Variants in TBXAS1 observed in about 807,000 individuals in gnomAD.
TBXAS1 encodes thromboxane A synthase 1.
TBXAS1 carries 48 observed loss-of-function variants against 60.7 expected under a neutral mutation model. The ratio of observed to expected loss-of-function variants is 0.79; its 90% CI spans 0.63 to 1.01. The LOEUF (loss-of-function observed/expected upper bound fraction) is 1.01, where lower values mean the gene tolerates loss of function less well. TBXAS1 is among the 50% of genes least tolerant of loss of function. The probability of loss-of-function intolerance (pLI) is 0.00; values close to 1 mark genes in which losing one functional copy is unlikely to be tolerated. For missense variants in TBXAS1, 685 were observed against 686.3 expected, an observed-to-expected ratio of 1.00 and a Z score of 0.02; for synonymous variants, 287 against 269.7, an observed-to-expected ratio of 1.06 and a Z score of -0.63.
In TBXAS1 at chr7:139,803,001, T is replaced by C. The variant is rs906465921; in HGVS notation, c.-80+15575T>C. 2.6e-5 allele frequency among the ~76,000 whole-genome samples: 4 copies of C among 152,318 alleles called. No individual in the cohort carries two copies. The South Asian group carries it at 8.3e-4, about 32-fold the overall frequency. ...TTACCCAGTCTCTGGTATTTCTTCA[T>C]AGCAGTATGAAAATGAACTAAACAG... On this transcript the variant is annotated intron_variant, in intron 4 of 16. Transcript: ENST00000336425.
At chr7:139,984,644 AAG>A (rs1812240472) in intron 9 of TBXAS1, among the ~76,000 whole-genome samples, 1 of 82,188 alleles carries the variant, frequency 1.2e-5, no homozygotes, top group Non-Finnish European at 2.4e-5. Context: ...GAGAGAGAGA[AAG>A]AAAGAAAGGG....
At chr7:139,785,073 T>A (rs1452781762) in intron 3 of TBXAS1, among the ~76,000 whole-genome samples, 1 of 152,080 alleles carries the variant, frequency 6.6e-6, no homozygotes, top group Non-Finnish European at 1.5e-5. Context: ...CATTTTGAAT[T>A]TACTCCCTAG....
At chr7:139,892,433 A>C (rs972634896) in intron 3 of TBXAS1, among the ~76,000 whole-genome samples, 11 of 152,140 alleles carry the variant, frequency 7.2e-5, no homozygotes, top group Non-Finnish European at 1.2e-4. Context: ...TGTACTAAAA[A>C]AATACAAAAA....
At chr7:139,995,053 G>A (rs1813197363) in intron 9 of TBXAS1, among the ~76,000 whole-genome samples, 1 of 152,146 alleles carries the variant, frequency 6.6e-6, no homozygotes, top group South Asian at 2.1e-4. Context: ...GCCCTCAGAT[G>A]AGACATTTTT....
At chr7:139,802,604 G>A (rs746833639) in intron 4 of TBXAS1, among the ~76,000 whole-genome samples, 8 of 152,180 alleles carry the variant, frequency 5.3e-5, no homozygotes, top group Non-Finnish European at 1.0e-4. Context: ...GGCCAACATG[G>A]TGAAGCCCCA....
At chr7:140,012,096 C>T (rs1404713679) in intron 10 of TBXAS1, among the ~76,000 whole-genome samples, 1 of 152,166 alleles carries the variant, frequency 6.6e-6, no homozygotes, top group Non-Finnish European at 1.5e-5. Context: ...GTACGGGATT[C>T]ATTAGGGAAA....
rs916284683 is a variant in TBXAS1 at position 139,916,103 on chromosome 7, T to C, written c.333+4782T>C. Among the ~76,000 whole-genome samples the C allele has an allele frequency of 6.6e-6, 1 of 152,222 alleles. No homozygotes were observed. Among genetic ancestry groups the C allele is most frequent in the Non-Finnish European group, 1.5e-5 (1 of 68,040 alleles). On this transcript the variant is annotated intron_variant, in intron 4 of 12. Transcript: ENST00000448866. This position sits in a 1 kb window ranked among gnomAD's most constrained non-coding sequence, Gnocchi z 4.2. ...TTAGATATTTTCAATGAGCTCTTCT[T>C]TGCTGTCAGGTACGGTACCTAATGA...
At chr7:139,935,860 T>G (rs73734163) in intron 4 of TBXAS1, among the ~76,000 whole-genome samples, 13,986 of 151,970 alleles carry the variant, frequency 0.092, 1,803 homozygotes, top group African/African-American at 0.29. Flanking sequence ...CAGGAAGCCT[T>G]CCTTGTTTGT....
chr7:139,854,488 G>A (rs1800446670), intron 1 of TBXAS1, among the ~76,000 whole-genome samples: 1 of 152,150 alleles, frequency 6.6e-6, no homozygotes, highest in African/African-American at 2.4e-5. Context: ...GCTTCTTCTG[G>A]CATTGGTGTG....
intron 1 of TBXAS1, among the ~76,000 whole-genome samples, chr7:139,854,218 C>T (rs1212578433): frequency 1.3e-5 from 2 of 152,002 alleles, no homozygotes; most frequent in Non-Finnish European, 1.5e-5. Context: ...TTTGTCTTGG[C>T]CCTAGAGAAA....
Position 139,975,977 on chromosome 7 carries a change from G to A in TBXAS1, c.1134+13744G>A, listed in dbSNP as rs1383037133. On this transcript the variant is annotated intron_variant, in intron 9 of 12. Transcript: ENST00000448866. This position sits in a 1 kb window ranked among gnomAD's most constrained non-coding sequence, Gnocchi z 4.4. ...CTTCGTGCCTTTCTCACTTCCATTT[G>A]TAAATGATCTTGTCTCCTTCCTTGT... Among the ~76,000 whole-genome samples the A allele has an allele frequency of 6.6e-6, 1 of 152,194 alleles. No homozygotes were observed. Among genetic ancestry groups the A allele is most frequent in the East Asian group, 1.9e-4 (1 of 5,190 alleles).
chr7:139,888,214 T>A (rs930627417), intron 3 of TBXAS1, among the ~76,000 whole-genome samples: 2 of 152,206 alleles, frequency 1.3e-5, no homozygotes, highest in Non-Finnish European at 2.9e-5. Context: ...TCCTCTTATC[T>A]CACTCCTTGC....
intron 9 of TBXAS1, among the ~76,000 whole-genome samples, chr7:139,991,375 A>G (rs1483129317): frequency 9.0e-6 from 1 of 111,604 alleles, no homozygotes; most frequent in Non-Finnish European, 1.8e-5. Flanking sequence ...CCCTGTCACC[A>G]CCAGTGTCCT....
intron 4 of TBXAS1, among the ~76,000 whole-genome samples, chr7:139,794,671 C>T (rs1413340282): frequency 1.6e-4 from 19 of 115,310 alleles, no homozygotes; most frequent in African/African-American, 5.9e-4. Context: ...CCCCTCCCCC[C>T]ACCCCACAAC....
chr7:139,924,145 T>G (rs1002203151), intron 4 of TBXAS1, among the ~76,000 whole-genome samples: 9 of 152,214 alleles, frequency 5.9e-5, no homozygotes, highest in African/African-American at 2.2e-4. Context: ...TTCCTTTCTT[T>G]GGGGTATATA....
rs1256723598 is a variant in TBXAS1, at chr7:139,916,666, T to G, written c.333+5345T>G. Among the ~76,000 whole-genome samples, 1 of 152,202 alleles carries G rather than the reference T, an allele frequency of 6.6e-6. No homozygotes were observed. Among genetic ancestry groups the G allele is most frequent in the African/African-American group, 2.4e-5 (1 of 41,458 alleles). On this transcript the variant is annotated intron_variant, in intron 4 of 12. Transcript: ENST00000448866. The surrounding 1 kb of genome is among the most constrained non-coding windows in gnomAD (Gnocchi z 4.2). ...ACTCCTTGGCATTGGTGAAGATGAC[T>G]AAAGTTATAGGCAAATTAGTCACTG...
At chr7:139,843,588 C>G (rs934663063) in intron 1 of TBXAS1, among the ~76,000 whole-genome samples, 2 of 152,144 alleles carry the variant, frequency 1.3e-5, no homozygotes, top group Non-Finnish European at 2.9e-5. Context: ...GGTGATCCGC[C>G]CACCTCGGCC....
At chr7:139,870,350 A>T (rs1801728240) in intron 1 of TBXAS1, among the ~76,000 whole-genome samples, 1 of 152,218 alleles carries the variant, frequency 6.6e-6, no homozygotes, top group African/African-American at 2.4e-5. Context: ...CAAGGTCTAC[A>T]TCTTTTTTTC....
intron 9 of TBXAS1, among the ~76,000 whole-genome samples, chr7:139,972,300 C>G (rs1447887042): frequency 6.6e-6 from 1 of 152,172 alleles, no homozygotes; most frequent in African/African-American, 2.4e-5. Context: ...CTAGAGGGAC[C>G]AAGCTTTGCT....
Sources: allele counts gnomAD v4.1 joint callset (sites outside exome capture counted in the v4.1 genomes callset), GRCh38; gene constraint gnomAD v4.1.1; non-coding constraint Gnocchi (gnomAD v3.1); transcripts MANE v1.5; gene names NCBI Gene and HGNC (gene_info 2026-07-23, HGNC 2026-07-21).